Variants in MAP3K12 observed in about 807,000 individuals in gnomAD.
MAP3K12 encodes the protein MAPK-upstream kinase.
In MAP3K12, 14 loss-of-function variants were observed where a neutral mutation model predicts 87.5. The observed-to-expected ratio is 0.16, with a 90% CI of 0.11 to 0.25. The LOEUF (loss-of-function observed/expected upper bound fraction) is 0.25, where lower values mean the gene tolerates loss of function less well. MAP3K12 is among the 10% of genes least tolerant of loss of function. The pLI, the probability that MAP3K12 is intolerant of heterozygous loss-of-function variation, is 1.00. For missense variants in MAP3K12, 802 were observed against 1,140.4 expected (o/e 0.70, Z 4.27); for synonymous variants, 469 against 452.5 (o/e 1.04, Z -0.46).
chr12:53,484,617 A>C, intron 6 of MAP3K12: 1 of 497,920 alleles, frequency 2.0e-6, no homozygotes, highest in Non-Finnish European at 3.6e-6. Flanking sequence ...CCTTTTCTGA[A>C]TAACTTCATT....
At chr12:53,493,057 C>G (rs1943456286) in intron 1 of MAP3K12, 1 of 152,158 alleles carries the variant, frequency 6.6e-6, no homozygotes. Flanking sequence ...GGGCGGGGGC[C>G]GCGGCGGCGG....
Position 53,481,144 on chromosome 12 carries a change from A to T in MAP3K12, c.*38T>A. 1.1e-6 allele frequency: 1 copy of T among 887,376 alleles called. No individual in the cohort carries two copies. The allele number at this position is 887,376 out of a possible 1,614,324, so 55.0% of individuals were successfully genotyped here. On this transcript the variant is annotated 3_prime_UTR_variant, in exon 14 of 14. Coordinates refer to ENST00000547488, the MANE Select transcript of MAP3K12 (RefSeq NM_001193511.2). The stretch of plus-strand genomic sequence containing the variant: ...ATATATGTATATATATATAATTTAT[A>T]TAAATATTTCTCTATGTACAAGGAA...
Position 53,486,709 on chromosome 12 carries a change from A to T in MAP3K12, c.446-87T>A. The T allele has an allele frequency of 2.1e-6, 3 of 1,462,486 alleles. No individual in the cohort carries two copies. In the African/African-American group the frequency reaches 4.3e-5, roughly 21 times the overall value. The allele number at this position is 1,462,486 out of a possible 1,614,324, so 90.6% of individuals were successfully genotyped here. A position where few individuals can be genotyped will look rare whatever the true frequency, so the allele number is the denominator to read the frequency against. On this transcript the variant is annotated intron_variant, in intron 2 of 13. Coordinates refer to ENST00000547488, the MANE Select transcript of MAP3K12 (RefSeq NM_001193511.2). The surrounding 1 kb of genome is among the most constrained non-coding windows in gnomAD (Gnocchi z 4.9). ...GGATAGCATTGGGTTGGCTGAATTG[A>T]CTTAAGGAGGGTGAGGCAGAAAGCC... is the stretch of plus-strand genomic sequence containing the variant.
At chr12:53,484,552 C>T in intron 6 of MAP3K12, 187 bp from the exon 7 acceptor site, 1 of 563,034 alleles carries the variant, frequency 1.8e-6, no homozygotes. Flanking sequence ...CAAAATCCTG[C>T]AGTAAGGAAA....
chr12:53,483,576 G>A, intron 9 of MAP3K12, 31 bp downstream of exon 9: 1 of 1,613,926 alleles, frequency 6.2e-7, no homozygotes, highest in Non-Finnish European at 8.5e-7. Context: ...CACAGCTCCA[G>A]GGCTTGGTGC....
Position 53,482,540 on chromosome 12 carries a change from G to A in MAP3K12, c.2238+25C>T, listed in dbSNP as rs1323945105. The A allele has an allele frequency of 6.3e-6, 10 of 1,596,436 alleles. No homozygotes were observed. In the Admixed American group the frequency reaches 1.2e-4, roughly 19 times the overall value. On this transcript the variant is annotated intron_variant, in intron 11 of 13. Transcript: ENST00000547488. ...GGGAGGATAAGGAAAAAGGGAAAGA[G>A]CTTGGGAGCCTTCCCATACTTTACC... is the stretch of plus-strand genomic sequence containing the variant.
intron 1 of MAP3K12, among the ~76,000 whole-genome samples, chr12:53,492,587 T>C (rs1943443560): frequency 6.6e-6 from 1 of 152,018 alleles, no homozygotes; most frequent in Non-Finnish European, 1.5e-5. Context: ...CACACTAAAG[T>C]TCAGCTTCCA....
chr12:53,483,885 T>A (rs1018829398), intron 8 of MAP3K12, 26 bp downstream of exon 8: 13 of 1,613,050 alleles, frequency 8.1e-6, no homozygotes, highest in Admixed American at 1.7e-5. Context: ...GTTAGTAAAA[T>A]CACCTCCCCA....
intron 13 of MAP3K12, 50 bp downstream of exon 13, chr12:53,481,891 C>A: frequency 6.3e-7 from 1 of 1,584,290 alleles, no homozygotes; most frequent in Non-Finnish European, 8.6e-7. Flanking sequence ...AAGGCATCTG[C>A]TTACAGCTCT....
At chr12:53,487,489 C>G in intron 1 of MAP3K12, 61 bp from the exon 2 acceptor site, 1 of 1,491,914 alleles carries the variant, frequency 6.7e-7, no homozygotes, top group Admixed American at 2.3e-5. Context: ...CTGCTCAGGA[C>G]ACTTATCCCA....
chr12:53,484,854 T>C, intron 6 of MAP3K12: 1 of 635,306 alleles, frequency 1.6e-6, no homozygotes, highest in Non-Finnish European at 2.7e-6. Flanking sequence ...GTTAAGTGTA[T>C]TTTATAGATG....
Position 53,486,667 on chromosome 12 carries a change from A to AC in MAP3K12, c.446-46dup, listed in dbSNP as rs1443750399. 1.3e-6 allele frequency: 2 copies of AC among 1,522,176 alleles called. No individual in the cohort carries two copies. The highest frequency in any genetic ancestry group is 2.8e-5 in the African/African-American group (2 of 72,060). The allele number at this position is 1,522,176 out of a possible 1,614,324, so 94.3% of individuals were successfully genotyped here. A position where few individuals can be genotyped will look rare whatever the true frequency, so the allele number is the denominator to read the frequency against. On this transcript the variant is annotated intron_variant, in intron 2 of 13. Coordinates refer to ENST00000547488, the MANE Select transcript of MAP3K12 (RefSeq NM_001193511.2). This position sits in a 1 kb window ranked among gnomAD's most constrained non-coding sequence, Gnocchi z 4.9. ...TGCCACAAGCCTCAGAAAGAGCCAC[A>AC]CTCAAGGCCAGGGACAGGATAGCAT...
intron 6 of MAP3K12, chr12:53,484,589 T>C (rs555050911): frequency 1.0e-4 from 53 of 527,832 alleles, no homozygotes; most frequent in African/African-American, 9.4e-4. Context: ...TTTTCCAACT[T>C]GTCTCCCAAA....
chr12:53,498,454 G>A (rs574070557), intron 1 of MAP3K12, among the ~76,000 whole-genome samples: 9 of 152,172 alleles, frequency 5.9e-5, no homozygotes, highest in Admixed American at 2.0e-4. Flanking sequence ...ACTCACCTAC[G>A]CTCCTCTGAA....
chr12:53,496,576 C>T (rs1943554185), intron 1 of MAP3K12, among the ~76,000 whole-genome samples: 1 of 152,162 alleles, frequency 6.6e-6, no homozygotes. Context: ...CGGATGTTAA[C>T]AAATATAGTT....
chr12:53,485,295 C>G, intron 5 of MAP3K12, 22 bp downstream of exon 5: 2 of 1,608,704 alleles, frequency 1.2e-6, no homozygotes, highest in Non-Finnish European at 1.7e-6. Flanking sequence ...CCACTCTTCT[C>G]AGTTTTCAGC....
intron 1 of MAP3K12, among the ~76,000 whole-genome samples, chr12:53,495,338 C>CAAA (rs1943522030): frequency 5.8e-5 from 1 of 17,170 alleles, no homozygotes; most frequent in Admixed American, 1.0e-3. Context: ...TACTCTGTCT[C>CAAA]CAAAAAAAAA....
chr12:53,488,095 G>C lies in MAP3K12; in HGVS notation c.-37-667C>G, dbSNP rs113656782. ...AGCCTCATTCTAAAACACACCCCTG[G>C]GCCTCTCCAAGGTAAGTGAAGGTTG... On this transcript the variant is annotated intron_variant, in intron 1 of 13. Transcript: ENST00000547488. Among the ~76,000 whole-genome samples, 1,308 of 152,190 alleles carry C rather than the reference G, an allele frequency of 8.6e-3. 16 individuals carry two copies. Among genetic ancestry groups the C allele is most frequent in the African/African-American group, 0.03 (1,262 of 41,506 alleles).
intron 4 of MAP3K12, 188 bp from the exon 5 acceptor site, chr12:53,485,663 C>T (rs1308498227): frequency 3.2e-6 from 2 of 632,306 alleles, no homozygotes; most frequent in Non-Finnish European, 5.4e-6. Context: ...TCAAGTGATT[C>T]TCCTGCCTCA....
Sources: gnomAD v4.1 joint callset for allele counts (sites outside exome capture counted in the v4.1 genomes callset) on GRCh38, gnomAD v4.1.1 for gene constraint, Gnocchi (gnomAD v3.1) non-coding constraint, MANE v1.5 for transcripts, NCBI Gene and HGNC (gene_info 2026-07-23, HGNC 2026-07-21) for gene names.